The following FXYD4 variants were observed in gnomAD, a reference collection of about 807,000 sequenced individuals.
The protein encoded by FXYD4 is FXYD domain-containing ion transport regulator 4.
A neutral mutation model predicts 18.3 loss-of-function variants in FXYD4; 14 were observed. That is an observed-to-expected ratio of 0.77 (90% CI 0.51 to 1.20). The LOEUF is 1.20. FXYD4 is among the 50% of genes most tolerant of loss of function. The pLI is 0.00. For synonymous variants in FXYD4, 40 were observed against 40.5 expected, an observed-to-expected ratio of 0.99 and a Z score of 0.04; for missense variants, 99 against 106.1, an observed-to-expected ratio of 0.93 and a Z score of 0.29.
Position 43,374,269 on chromosome 10 carries a change from A to C in FXYD4, c.38-201A>C, listed in dbSNP as rs143167968. Reference sequence around the variant, plus strand: ...ACAAACCATCCCAGTCAGCATGCACACAGGAGCATCAGGAAGCCTGGGACA... The same window carrying C: ...ACAAACCATCCCAGTCAGCATGCACCCAGGAGCATCAGGAAGCCTGGGACA... On this transcript the variant is annotated intron_variant, in intron 3 of 8. Transcript: ENST00000476166. 3.9e-3 allele frequency among the ~76,000 whole-genome samples: 600 copies of C among 152,312 alleles called. 3 individuals are homozygous for C. Among genetic ancestry groups the C allele is most frequent in the African/African-American group, 0.014 (584 of 41,552 alleles).
chr10:43,373,660 T>G lies in FXYD4; in HGVS notation c.-87T>G. 2 of 819,944 alleles carry G rather than the reference T, an allele frequency of 2.4e-6. No individual in the cohort carries two copies. The highest frequency in any genetic ancestry group is 4.4e-6 in the Non-Finnish European group (2 of 459,716). The allele number at this position is 819,944 out of a possible 1,614,324, so 50.8% of individuals were successfully genotyped here. A position where few individuals can be genotyped will look rare whatever the true frequency, so the allele number is the denominator to read the frequency against. The stretch of plus-strand genomic sequence containing the variant: ...CCCCTGCCTCCTCTCGCTGACCAAT[T>G]GAGCTGTGAGCCTGGAGCAGATCCG... On this transcript the variant is annotated 5_prime_UTR_variant, in exon 3 of 9. The change creates a new upstream start codon in the 5' untranslated region. Coordinates refer to ENST00000476166, the MANE Select transcript of FXYD4 (RefSeq NM_173160.3).
chr10:43,375,427 C>A (rs1431384251), intron 5 of FXYD4, 72 bp from the exon 6 acceptor site: 2 of 1,168,656 alleles, frequency 1.7e-6, no homozygotes, highest in South Asian at 1.2e-5. Flanking sequence ...CAAGCAGGGG[C>A]TCAGGAGTGT....
chr10:43,375,810 A>G (rs1014608044), intron 7 of FXYD4, 76 bp downstream of exon 7: 2 of 1,475,300 alleles, frequency 1.4e-6, no homozygotes, highest in African/African-American at 2.8e-5. Context: ...GAGAGTGGAC[A>G]GCATCCTGGC....
Position 43,376,147 on chromosome 10 carries a change from G to A in FXYD4, c.251G>A (p.Gly84Asp). 1.2e-6 allele frequency: 2 copies of A among 1,613,902 alleles called. No individual in the cohort carries two copies. The highest frequency in any genetic ancestry group is 8.5e-7 in the Non-Finnish European group (1 of 1,179,984). Residue 84 changes from glycine to aspartate, a missense_variant and splice_region_variant, in exon 9 of 9, where the codon GGC (glycine) becomes GAC (aspartate). Transcript: ENST00000476166. ...PEKAIPLITP[G>D]SATTC is the part of the protein sequence containing the mutation. ...ATGGCCTGCCCGCCACTCTCCGCAG[G>A]CTCTGCCACTACTTGCTGAGCACAG...
At chr10:43,375,637 A>AG in intron 6 of FXYD4, 58 bp from the exon 7 acceptor site, 1 of 1,608,542 alleles carries the variant, frequency 6.2e-7, no homozygotes, top group Non-Finnish European at 8.5e-7. Context: ...TGGGGCAGAA[A>AG]GAGAGAGTGC....
rs568781129 is a variant in FXYD4 at position 43,375,638 on chromosome 10, G to A, written c.173-57G>A. ...GCTGGCGGACAGGGTGGGGCAGAAA[G>A]AGAGAGTGCTCTCATTCCAGCACTG... On this transcript the variant is annotated intron_variant, in intron 6 of 8. Transcript: ENST00000476166. 1.8e-5 allele frequency: 29 copies of A among 1,610,314 alleles called. No individual in the cohort carries two copies. In the African/African-American group the frequency reaches 3.1e-4, roughly 17 times the overall value.
At position 43,375,544 on chromosome 10, in the gene FXYD4, T is replaced by C. The variant is rs1837859485; in HGVS notation, c.143T>C (p.Leu48Pro). Residue 48 changes from leucine (L) to proline (P), a missense_variant, in exon 6 of 9, where the codon CTG becomes CCG. Physicochemically the swap from Leu to Pro is moderately conservative, Grantham distance 98. Coordinates refer to ENST00000476166, the MANE Select transcript of FXYD4 (RefSeq NM_173160.3). ...QLSGLICGGL[L>P]AIAGIAAVLS... Reference sequence around the variant, plus strand: ...AGCGGACTGATCTGCGGAGGGCTCCTGGCCATTGCTGGGATCGCGGCAGTT... The same window carrying C: ...AGCGGACTGATCTGCGGAGGGCTCCCGGCCATTGCTGGGATCGCGGCAGTT... 6.2e-7 allele frequency: 1 copy of C among 1,613,904 alleles called. No homozygotes were observed. The highest frequency in any genetic ancestry group is 1.3e-5 in the African/African-American group (1 of 74,894).
chr10:43,374,226 T>C (rs1408386386), intron 3 of FXYD4, among the ~76,000 whole-genome samples: 1 of 152,150 alleles, frequency 6.6e-6, no homozygotes, highest in Non-Finnish European at 1.5e-5. Flanking sequence ...CCCTGTTTCT[T>C]CAGGGGGCAG....
In FXYD4 at chr10:43,375,479, ACT is replaced by A; in HGVS notation, c.98-15_98-14del. The stretch of plus-strand genomic sequence containing the variant: ...TGAGGCCCCAGGCTGGTGCAAGCTC[ACT>A]CTCTGTACCCACCCCAGACTGGAAA... On this transcript the variant is annotated intron_variant, in intron 5 of 8. Coordinates refer to ENST00000476166, the MANE Select transcript of FXYD4 (RefSeq NM_173160.3). The A allele has an allele frequency of 6.2e-7, 1 of 1,604,784 alleles. No homozygotes were observed. The highest frequency in any genetic ancestry group is 8.5e-7 in the Non-Finnish European group (1 of 1,171,710).
In FXYD4 at chr10:43,374,647, C is replaced by T. The variant is rs562962465; in HGVS notation, c.97+8C>T. 194 of 1,609,756 alleles carry T rather than the reference C, an allele frequency of 1.2e-4. 2 individuals are homozygous for T. The South Asian group carries it at 2.0e-3, about 17-fold the overall frequency. ...ACGATCCCTTCTACTATGGTAAGAG[C>T]TGATATTCCCACCCCCACCCTACCC... is the stretch of plus-strand genomic sequence containing the variant. On this transcript the variant is annotated splice_region_variant and intron_variant, in intron 5 of 8. Coordinates refer to ENST00000476166, the MANE Select transcript of FXYD4 (RefSeq NM_173160.3).
Position 43,375,601 on chromosome 10 carries a change from G to A in FXYD4, c.172+28G>A, listed in dbSNP as rs200250174. 1.1e-5 allele frequency: 17 copies of A among 1,608,862 alleles called. No homozygotes were observed. In the East Asian group the frequency reaches 3.8e-4, roughly 36 times the overall value. On this transcript the variant is annotated intron_variant, in intron 6 of 8. Coordinates refer to ENST00000476166, the MANE Select transcript of FXYD4 (RefSeq NM_173160.3). ...GAGTGGCAGGACAGGTGGGGCTGGA[G>A]GACAGGGTGGGGCTGGCGGACAGGG...
chr10:43,373,967 C>T (rs1837838334), intron 3 of FXYD4, among the ~76,000 whole-genome samples, 184 bp downstream of exon 3: 1 of 152,212 alleles, frequency 6.6e-6, no homozygotes, highest in South Asian at 2.1e-4. Flanking sequence ...GCAAAAAGGT[C>T]CTAATAGCTC....
In FXYD4 at chr10:43,375,546, G is replaced by A; in HGVS notation, c.145G>A (p.Ala49Thr). ...CGGACTGATCTGCGGAGGGCTCCTG[G>A]CCATTGCTGGGATCGCGGCAGTTCT... ...LSGLICGGLL[A>T]IAGIAAVLSG... Residue 49 changes from alanine (A) to threonine (T), a missense_variant, in exon 6 of 9, where the codon GCC (alanine) becomes ACC (threonine). By Grantham distance (58) the Ala-to-Thr change is moderately conservative (BLOSUM62 0). Transcript: ENST00000476166. The A allele has an allele frequency of 6.2e-7, 1 of 1,614,058 alleles. No individual in the cohort carries two copies. The highest frequency in any genetic ancestry group is 1.1e-5 in the South Asian group (1 of 91,076).
chr10:43,373,712 C>T lies in FXYD4; in HGVS notation c.-35C>T. ...GGGCTGCAGACCCCCGCCCCAGTGC[C>T]TCTCCCCCTGCAGCCCTGCCCCTCG... On this transcript the variant is annotated 5_prime_UTR_variant, in exon 3 of 9. Transcript: ENST00000476166. The T allele has an allele frequency of 2.7e-6, 4 of 1,456,888 alleles. No individual in the cohort carries two copies. The highest frequency in any genetic ancestry group is 3.9e-6 in the Non-Finnish European group (4 of 1,036,622). 90.2% of individuals were successfully genotyped at this position (1,456,888 alleles called of 1,614,324 possible).
intron 2 of FXYD4, 139 bp from the exon 3 acceptor site, chr10:43,373,376 A>G (rs1837831017): frequency 4.0e-6 from 1 of 252,286 alleles, no homozygotes; most frequent in African/African-American, 2.2e-5. Flanking sequence ...AGAGACAATA[A>G]TAGTATCTTC....
intron 3 of FXYD4, among the ~76,000 whole-genome samples, chr10:43,374,230 G>C (rs1837841030): frequency 6.6e-6 from 1 of 152,176 alleles, no homozygotes; most frequent in East Asian, 1.9e-4. Flanking sequence ...GTTTCTTCAG[G>C]GGGCAGAGAC....
At position 43,375,892 on chromosome 10, in the gene FXYD4, T is replaced by A. The variant is rs186627036; in HGVS notation, c.213-140T>A. ...TGAAGGGCCCCAGTCAGGAAAGCTC[T>A]GACCTCGGTATTGTGGGAAGTGACC... On this transcript the variant is annotated intron_variant, in intron 7 of 8. Coordinates refer to ENST00000476166, the MANE Select transcript of FXYD4 (RefSeq NM_173160.3). The A allele has an allele frequency of 1.8e-5, 22 of 1,213,782 alleles. No individual in the cohort carries two copies. The African/African-American group carries it at 1.9e-4, about 11-fold the overall frequency. 75.2% of individuals were successfully genotyped at this position (1,213,782 alleles called of 1,614,324 possible).
In FXYD4 at chr10:43,373,573, C is replaced by T; in HGVS notation, c.-174C>T. On this transcript the variant is annotated 5_prime_UTR_variant, in exon 3 of 9. Coordinates refer to ENST00000476166, the MANE Select transcript of FXYD4 (RefSeq NM_173160.3). ...TAGTTACTTTCCCAAGATCTCCCCA[C>T]AAGCAAGTGTATCCTTGGGGTTTGT... The T allele has an allele frequency of 1.6e-6, 1 of 631,190 alleles. No homozygotes were observed. The allele number at this position is 631,190 out of a possible 1,614,324, so 39.1% of individuals were successfully genotyped here. A position where few individuals can be genotyped will look rare whatever the true frequency, so the allele number is the denominator to read the frequency against.
Position 43,374,511 on chromosome 10 carries a change from G to A in FXYD4, c.70+9G>A, listed in dbSNP as rs1231045650. On this transcript the variant is annotated intron_variant, in intron 4 of 8. Coordinates refer to ENST00000476166, the MANE Select transcript of FXYD4 (RefSeq NM_173160.3). Reference sequence around the variant, plus strand: ...AGCCAATGACCCATTTGGTGAGTGAGGCCCCCAAACAGCCTGCCCACTCTG... The same window carrying A: ...AGCCAATGACCCATTTGGTGAGTGAAGCCCCCAAACAGCCTGCCCACTCTG... 6 of 1,613,986 alleles carry A rather than the reference G, an allele frequency of 3.7e-6. No homozygotes were observed. Among genetic ancestry groups the A allele is most frequent in the Non-Finnish European group, 5.1e-6 (6 of 1,179,856 alleles).
Sources: gnomAD v4.1 joint callset for allele counts (sites outside exome capture counted in the v4.1 genomes callset) on GRCh38, gnomAD v4.1.1 for gene constraint, MANE v1.5 for transcripts, NCBI Gene and HGNC (gene_info 2026-07-23, HGNC 2026-07-21) for gene names.